MEMO1: variants seen among roughly 807,000 people sequenced by gnomAD.
MEMO1 encodes mediator of cell motility 1.
Under a neutral mutation model 45.2 loss-of-function variants are expected in MEMO1, and 6 were observed. The ratio of observed to expected loss-of-function variants is 0.13; its 90% CI spans 0.07 to 0.26. The LOEUF is 0.26. MEMO1 is among the 10% of genes least tolerant of loss of function. The pLI is 1.00. For synonymous variants in MEMO1, 78 were observed against 124.3 expected, an observed-to-expected ratio of 0.63 and a Z score of 2.48; for missense variants, 184 against 370.5, an observed-to-expected ratio of 0.50 and a Z score of 4.13.
intron 2 of MEMO1, among the ~76,000 whole-genome samples, chr2:31,973,780 CAGAA>C (rs1669688894): frequency 1.3e-5 from 2 of 151,994 alleles, no homozygotes; most frequent in Non-Finnish European, 2.9e-5. Context: ...TCCATAGAAA[CAGAA>C]AGCAGATTTG....
intron 6 of MEMO1, among the ~76,000 whole-genome samples, chr2:31,913,063 G>A (rs1469455888): frequency 6.6e-6 from 1 of 151,922 alleles, no homozygotes; most frequent in Non-Finnish European, 1.5e-5. Context: ...CGGATCACGA[G>A]GTCAAGAGAT....
intron 2 of MEMO1, among the ~76,000 whole-genome samples, chr2:31,995,180 G>A (rs956439542): frequency 4.6e-5 from 7 of 152,012 alleles, no homozygotes; most frequent in Non-Finnish European, 7.4e-5. Context: ...GGCCAGGGAC[G>A]GTGGCTCACA....
intron 4 of MEMO1, among the ~76,000 whole-genome samples, chr2:31,925,273 C>T (rs1023325818): frequency 7.9e-5 from 12 of 151,878 alleles, no homozygotes; most frequent in South Asian, 2.1e-4. Context: ...GTCAGGAGAT[C>T]GAGACCATCT....
chr2:31,910,783 C>T (rs1680448421), intron 6 of MEMO1, among the ~76,000 whole-genome samples: 1 of 151,936 alleles, frequency 6.6e-6, no homozygotes, highest in African/African-American at 2.4e-5. Context: ...TCCCTTCAGC[C>T]CAGGAGGTGG....
intron 4 of MEMO1, among the ~76,000 whole-genome samples, chr2:31,930,515 T>A (rs1258036819): frequency 6.6e-6 from 1 of 152,144 alleles, no homozygotes; most frequent in East Asian, 1.9e-4. Context: ...GGGTGTCCCA[T>A]CAGCACAGGA....
At chr2:31,990,028 G>A (rs565152587) in intron 2 of MEMO1, among the ~76,000 whole-genome samples, 8 of 152,244 alleles carry the variant, frequency 5.3e-5, no homozygotes, top group African/African-American at 1.9e-4. Flanking sequence ...GAGTAGGAAG[G>A]ATCGCTTGAG....
At chr2:31,909,189 A>C (rs1258029284) in intron 6 of MEMO1, among the ~76,000 whole-genome samples, 1 of 152,234 alleles carries the variant, frequency 6.6e-6, no homozygotes, top group African/African-American at 2.4e-5. Flanking sequence ...CCTTTCCACT[A>C]AGATCTGGAA....
chr2:31,942,370 A>G (rs1665715639), intron 3 of MEMO1, among the ~76,000 whole-genome samples: 1 of 152,256 alleles, frequency 6.6e-6, no homozygotes, highest in Non-Finnish European at 1.5e-5. Flanking sequence ...TATTTAAAAT[A>G]GAACTTATTC....
intron 2 of MEMO1, among the ~76,000 whole-genome samples, chr2:31,949,533 G>A (rs1029386349): frequency 6.6e-6 from 1 of 151,044 alleles, no homozygotes; most frequent in African/African-American, 2.4e-5. Context: ...ATTTATTTGT[G>A]GGATCTAAAA....
intron 2 of MEMO1, among the ~76,000 whole-genome samples, chr2:31,959,701 G>A (rs931540836): frequency 1.3e-5 from 2 of 152,162 alleles, no homozygotes; most frequent in Non-Finnish European, 2.9e-5. Flanking sequence ...TCATCACCTC[G>A]AGGATCTCCC....
intron 6 of MEMO1, among the ~76,000 whole-genome samples, chr2:31,903,548 A>C (rs936742341): frequency 7.2e-5 from 11 of 152,184 alleles, no homozygotes; most frequent in Non-Finnish European, 1.5e-5. Context: ...ATAGAAACTG[A>C]AACTATTCCA....
At chr2:31,878,835 TTAA>T (rs1674948610) in intron 8 of MEMO1, among the ~76,000 whole-genome samples, 1 of 152,158 alleles carries the variant, frequency 6.6e-6, no homozygotes, top group Non-Finnish European at 1.5e-5. Context: ...ATGCATACCA[TTAA>T]TAATTTATAT....
chr2:31,933,343 AAAAAAATTTATATATATAT>A (rs1664462119), intron 3 of MEMO1, among the ~76,000 whole-genome samples: 2 of 45,232 alleles, frequency 4.4e-5, no homozygotes, highest in African/African-American at 1.9e-4. Flanking sequence ...AAAAAAAAAA[AAAAAAATTTATATATATAT>A]ATATATATAT....
chr2:31,884,088 A>C (rs1675807386), intron 7 of MEMO1, among the ~76,000 whole-genome samples: 1 of 152,068 alleles, frequency 6.6e-6, no homozygotes, highest in Admixed American at 6.6e-5. Flanking sequence ...TCCTACCCTG[A>C]CATAAAATCT....
intron 2 of MEMO1, among the ~76,000 whole-genome samples, chr2:31,988,843 G>A (rs933032814): frequency 1.3e-5 from 2 of 152,104 alleles, no homozygotes; most frequent in African/African-American, 4.8e-5. Context: ...CTTTTTTATA[G>A]ACCACCATTT....
intron 8 of MEMO1, among the ~76,000 whole-genome samples, chr2:31,871,859 C>T (rs973217809): frequency 9.2e-5 from 14 of 151,958 alleles, no homozygotes; most frequent in African/African-American, 3.4e-4. Context: ...ACTAAAAATA[C>T]AAAAATTAGC....
intron 4 of MEMO1, among the ~76,000 whole-genome samples, chr2:31,929,127 G>A (rs1354098819): frequency 6.6e-6 from 1 of 151,848 alleles, no homozygotes; most frequent in Non-Finnish European, 1.5e-5. Context: ...TAGCTGTATT[G>A]TTCTTCAAAC....
At chr2:31,952,213 C>T (rs1409053486) in intron 2 of MEMO1, among the ~76,000 whole-genome samples, 6 of 152,130 alleles carry the variant, frequency 3.9e-5, no homozygotes, top group Non-Finnish European at 7.4e-5. Context: ...AGGCCAAATC[C>T]ATATATCTTG....
intron 6 of MEMO1, among the ~76,000 whole-genome samples, chr2:31,903,963 T>C (rs1396419695): frequency 6.6e-6 from 1 of 152,200 alleles, no homozygotes; most frequent in Admixed American, 6.5e-5. Context: ...TCTACTTTTC[T>C]CTATTTCTAA....
Sources: allele counts gnomAD v4.1 joint callset (sites outside exome capture counted in the v4.1 genomes callset), GRCh38; gene constraint gnomAD v4.1.1; transcripts MANE v1.5; gene names NCBI Gene and HGNC (gene_info 2026-07-23, HGNC 2026-07-21).